The following ERC1 variants were observed in gnomAD, a reference collection of about 807,000 sequenced individuals.
The protein encoded by ERC1 is ELKS/RAB6-interacting/CAST family member 1.
In ERC1, 56 loss-of-function variants were observed where a neutral mutation model predicts 132.0. That is an observed-to-expected ratio of 0.42 (90% CI 0.34 to 0.53). ERC1 has a LOEUF of 0.53. Ranked by LOEUF, ERC1 falls within the 20% of genes least tolerant of loss-of-function variation. The probability of loss-of-function intolerance (pLI) is 0.03; values close to 1 mark genes in which losing one functional copy is unlikely to be tolerated. For missense variants in ERC1, 1,202 were observed against 1,349.9 expected (o/e 0.89, Z 1.72); for synonymous variants, 478 against 476.1 (o/e 1.00, Z -0.05).
intron 15 of ERC1, among the ~76,000 whole-genome samples, chr12:1,314,074 T>A (rs1026004124): frequency 6.6e-6 from 1 of 152,194 alleles, no homozygotes; most frequent in African/African-American, 2.4e-5. Flanking sequence ...GCTGACATGC[T>A]AACCCACATC....
At chr12:1,248,534 AAAG>A (rs2076287677) in intron 13 of ERC1, among the ~76,000 whole-genome samples, 1 of 152,210 alleles carries the variant, frequency 6.6e-6, no homozygotes, top group East Asian at 1.9e-4. Flanking sequence ...ATGGCAGTGA[AAAG>A]CTTGGCATTT....
intron 15 of ERC1, among the ~76,000 whole-genome samples, chr12:1,355,474 T>C (rs548216654): frequency 6.6e-6 from 1 of 152,346 alleles, no homozygotes; most frequent in Admixed American, 6.5e-5. Flanking sequence ...AAAAAGCTTT[T>C]CTAAGTTCTG....
In ERC1 at chr12:1,400,927, T is replaced by A. The variant is rs1440291667; in HGVS notation, c.2926-7222T>A. Among the ~76,000 whole-genome samples, 641 of 66,674 alleles carry A rather than the reference T, an allele frequency of 9.6e-3. 39 individuals are homozygous for A. Among genetic ancestry groups the A allele is most frequent in the African/African-American group, 0.056 (606 of 10,830 alleles). 43.7% of individuals were successfully genotyped at this position (66,674 alleles called of 152,430 possible). Reference sequence around the variant, plus strand: ...TTGGCTATTTTTGTATTTTTTTTTTTTTTTTTTTTTTTTTTTTTTTTTTTT... The same window carrying A: ...TTGGCTATTTTTGTATTTTTTTTTTATTTTTTTTTTTTTTTTTTTTTTTTT... On this transcript the variant is annotated intron_variant, in intron 16 of 18. Transcript: ENST00000360905.
intron 11 of ERC1, among the ~76,000 whole-genome samples, chr12:1,189,431 GA>G (rs1294718319): frequency 1.3e-5 from 2 of 152,176 alleles, no homozygotes; most frequent in Non-Finnish European, 2.9e-5. Context: ...ATAGGAAATG[GA>G]AATGGAAGTT....
At chr12:1,372,538 C>T (rs1048611901) in intron 16 of ERC1, among the ~76,000 whole-genome samples, 2 of 152,160 alleles carry the variant, frequency 1.3e-5, no homozygotes, top group African/African-American at 2.4e-5. Flanking sequence ...ATACACAAAA[C>T]CATCAACTTA....
intron 13 of ERC1, among the ~76,000 whole-genome samples, chr12:1,248,461 G>A (rs1490135670): frequency 6.6e-6 from 1 of 152,128 alleles, no homozygotes; most frequent in African/African-American, 2.4e-5. Flanking sequence ...TCCTCCCAAA[G>A]GATATTGAGA....
At chr12:1,331,118 C>T (rs1566605208) in intron 15 of ERC1, among the ~76,000 whole-genome samples, 3 of 152,162 alleles carry the variant, frequency 2.0e-5, no homozygotes, top group East Asian at 1.9e-4. Flanking sequence ...AATCAAGAAA[C>T]AGAATATTCC....
chr12:1,061,244 G>T (rs1937803380), intron 2 of ERC1, among the ~76,000 whole-genome samples: 1 of 151,950 alleles, frequency 6.6e-6, no homozygotes, highest in Admixed American at 6.6e-5. Flanking sequence ...GATTTTGTTT[G>T]AGTCTTCTCT....
At chr12:1,446,055 G>A (rs962198814) in intron 18 of ERC1, among the ~76,000 whole-genome samples, 3 of 152,124 alleles carry the variant, frequency 2.0e-5, no homozygotes, top group Non-Finnish European at 2.9e-5. Context: ...ATACCATCAC[G>A]TTGGGGGTTG....
chr12:1,059,892 G>A (rs1258768083), intron 2 of ERC1, among the ~76,000 whole-genome samples: 2 of 152,158 alleles, frequency 1.3e-5, no homozygotes, highest in Non-Finnish European at 2.9e-5. Flanking sequence ...CAGCTTTTGG[G>A]AATAGTTTGA....
At chr12:1,097,628 G>A (rs908873678) in intron 3 of ERC1, among the ~76,000 whole-genome samples, 2 of 152,020 alleles carry the variant, frequency 1.3e-5, no homozygotes, top group African/African-American at 2.4e-5. Flanking sequence ...TTAGTATTTG[G>A]CCAAAGACTC....
intron 12 of ERC1, among the ~76,000 whole-genome samples, chr12:1,198,762 A>G (rs1245896057): frequency 6.6e-6 from 1 of 151,612 alleles, no homozygotes; most frequent in Non-Finnish European, 1.5e-5. Context: ...GCACATTTAC[A>G]TGGCCGGCAG....
chr12:1,139,713 T>G (rs545566476), intron 7 of ERC1, among the ~76,000 whole-genome samples: 14 of 152,120 alleles, frequency 9.2e-5, no homozygotes, highest in African/African-American at 2.9e-4. Context: ...TGATTTTTTT[T>G]TTTTTGAGGA....
chr12:1,051,874 CGT>C lies in ERC1; in HGVS notation c.669+23304_669+23305del, dbSNP rs1565866383. ...CTTGTTTTCTGTTCTTGATGAATAGCGTGAATTAATAAAGCACTAAGGCACCG... is the reference window on the plus strand; with the variant it reads ...CTTGTTTTCTGTTCTTGATGAATAGCGAATTAATAAAGCACTAAGGCACCG... On this transcript the variant is annotated intron_variant, in intron 2 of 18. Transcript: ENST00000360905. 2.5e-4 allele frequency among the ~76,000 whole-genome samples: 15 copies of C among 59,574 alleles called. 1 individual carries two copies. Among genetic ancestry groups the C allele is most frequent in the African/African-American group, 7.0e-4 (14 of 20,128 alleles). 39.1% of individuals were successfully genotyped at this position (59,574 alleles called of 152,430 possible). A position where few individuals can be genotyped will look rare whatever the true frequency, so the allele number is the denominator to read the frequency against.
chr12:1,263,745 G>A (rs963998626), intron 14 of ERC1, among the ~76,000 whole-genome samples: 7 of 151,646 alleles, frequency 4.6e-5, no homozygotes, highest in Non-Finnish European at 7.4e-5. Flanking sequence ...GCTGGAGTGC[G>A]ATGGTGTGAT....
At chr12:1,101,826 A>G (rs184480132) in intron 3 of ERC1, among the ~76,000 whole-genome samples, 1 of 152,338 alleles carries the variant, frequency 6.6e-6, no homozygotes, top group East Asian at 1.9e-4. Flanking sequence ...TTGGATGGTT[A>G]TTTGTACGGG....
At chr12:1,214,012 G>GA (rs1408320978) in intron 12 of ERC1, among the ~76,000 whole-genome samples, 1 of 152,110 alleles carries the variant, frequency 6.6e-6, no homozygotes, top group Non-Finnish European at 1.5e-5. Flanking sequence ...CTTTTGGAAA[G>GA]AAAAAAGACA....
At chr12:1,395,718 A>G (rs1161169817) in intron 16 of ERC1, among the ~76,000 whole-genome samples, 2 of 152,224 alleles carry the variant, frequency 1.3e-5, no homozygotes, top group African/African-American at 2.4e-5. Flanking sequence ...TCTAAGGATT[A>G]CAAAAACGGT....
intron 18 of ERC1, among the ~76,000 whole-genome samples, chr12:1,459,540 A>G (rs1349901382): frequency 2.0e-5 from 3 of 152,370 alleles, no homozygotes; most frequent in African/African-American, 7.2e-5. Context: ...GTTGAATGCC[A>G]GCATAATGTA....
Sources: allele counts gnomAD v4.1 joint callset (sites outside exome capture counted in the v4.1 genomes callset), GRCh38; gene constraint gnomAD v4.1.1; transcripts MANE v1.5; gene names NCBI Gene and HGNC (gene_info 2026-07-23, HGNC 2026-07-21).